Variants in TTLL9 observed in about 807,000 individuals in gnomAD.
TTLL9 encodes probable tubulin polyglutamylase TTLL9.
TTLL9 carries 47 observed loss-of-function variants against 65.6 expected under a neutral mutation model. That is an observed-to-expected ratio of 0.72 (90% CI 0.57 to 0.91). The LOEUF (loss-of-function observed/expected upper bound fraction) is 0.91, where lower values mean the gene tolerates loss of function less well. Among genes scored for constraint, TTLL9 ranks in the 40% least tolerant of loss-of-function variants. TTLL9 has a pLI of 0.00. For missense variants in TTLL9, 537 were observed against 568.8 expected, an observed-to-expected ratio of 0.94 and a Z score of 0.57; for synonymous variants, 179 against 204.8, an observed-to-expected ratio of 0.87 and a Z score of 1.07.
At position 31,870,755 on chromosome 20, in the gene TTLL9, G is replaced by C. The variant is rs910584309; in HGVS notation, c.-200G>C. The C allele has an allele frequency of 6.0e-4, 301 of 498,096 alleles. No individual in the cohort carries two copies. Among genetic ancestry groups the C allele is most frequent in the Non-Finnish European group, 8.5e-4 (256 of 302,604 alleles). The allele number at this position is 498,096 out of a possible 1,614,324, so 30.9% of individuals were successfully genotyped here. A position where few individuals can be genotyped will look rare whatever the true frequency, so the allele number is the denominator to read the frequency against. On this transcript the variant is annotated 5_prime_UTR_variant, in exon 1 of 15. It removes an upstream start codon present in the reference 5' UTR. Coordinates refer to ENST00000535842, the MANE Select transcript of TTLL9 (RefSeq NM_001008409.5). This position sits in a 1 kb window ranked among gnomAD's most constrained non-coding sequence, Gnocchi z 6.6. ...CTGGCACCGGCAGGCGCGGGCGGAT[G>C]GGGGGATGTCGCCTAGAGCCCCCCG...
At chr20:31,890,653 G>T (rs552811726) in intron 3 of TTLL9, among the ~76,000 whole-genome samples, 1 of 152,180 alleles carries the variant, frequency 6.6e-6, no homozygotes, top group East Asian at 1.9e-4. Flanking sequence ...GTGCATCATC[G>T]ACAGGTAATT....
intron 2 of TTLL9, among the ~76,000 whole-genome samples, chr20:31,878,394 C>T (rs1172824385): frequency 1.3e-5 from 2 of 152,218 alleles, no homozygotes; most frequent in South Asian, 2.1e-4. Flanking sequence ...GCAGCTAAAG[C>T]TGTTTGTGGA....
chr20:31,943,046 G>A lies in TTLL9; in HGVS notation c.*25G>A. On this transcript the variant is annotated 3_prime_UTR_variant, in exon 15 of 15. Coordinates refer to ENST00000535842, the MANE Select transcript of TTLL9 (RefSeq NM_001008409.5). Reference sequence around the variant, plus strand: ...ATCCCCAGCTGCCAGGAGGAAATCAGCCTTAGCAGGTGCCACCCAGGCCTC... The same window carrying A: ...ATCCCCAGCTGCCAGGAGGAAATCAACCTTAGCAGGTGCCACCCAGGCCTC... The A allele has an allele frequency of 8.1e-6, 13 of 1,611,598 alleles. No individual in the cohort carries two copies. Among genetic ancestry groups the A allele is most frequent in the African/African-American group, 1.3e-5 (1 of 75,008 alleles).
intron 6 of TTLL9, 98 bp from the exon 7 acceptor site, chr20:31,919,766 A>G: frequency 9.9e-7 from 1 of 1,009,818 alleles, no homozygotes; most frequent in Non-Finnish European, 1.4e-6. Context: ...TTCATAAGGA[A>G]AAAGAGACAG....
intron 6 of TTLL9, among the ~76,000 whole-genome samples, chr20:31,912,259 A>G (rs2063665410): frequency 6.6e-6 from 1 of 152,150 alleles, no homozygotes; most frequent in Admixed American, 6.5e-5. Flanking sequence ...CTCAAACGCT[A>G]CAGTGCCCGT....
At chr20:31,877,961 T>C (rs6058477) in intron 2 of TTLL9, among the ~76,000 whole-genome samples, 17,702 of 152,210 alleles carry the variant, frequency 0.12, 1,672 homozygotes, top group African/African-American at 0.26. Flanking sequence ...TATGAGAATA[T>C]AAACTCTATT....
intron 2 of TTLL9, among the ~76,000 whole-genome samples, chr20:31,881,636 C>G (rs1049787376): frequency 7.6e-6 from 1 of 130,818 alleles, no homozygotes; most frequent in Non-Finnish European, 1.6e-5. Context: ...GACAGTGTCT[C>G]ATTCTGTTGC....
intron 6 of TTLL9, among the ~76,000 whole-genome samples, chr20:31,916,133 G>C (rs1455089303): frequency 1.3e-5 from 2 of 152,162 alleles, no homozygotes; most frequent in Non-Finnish European, 2.9e-5. Context: ...TTCCAGGTGG[G>C]CCTCTCCCTG....
At chr20:31,872,274 C>T (rs890220329) in intron 2 of TTLL9, among the ~76,000 whole-genome samples, 2 of 152,160 alleles carry the variant, frequency 1.3e-5, no homozygotes, top group African/African-American at 2.4e-5. Context: ...GAAAGCCAGG[C>T]GCAGTGGCTC....
chr20:31,882,004 T>C (rs1339042338), intron 2 of TTLL9, among the ~76,000 whole-genome samples: 1 of 152,196 alleles, frequency 6.6e-6, no homozygotes, highest in East Asian at 1.9e-4. Flanking sequence ...CTCCTGTATA[T>C]TGACTTAGGA....
At chr20:31,928,540 A>T (rs1325491743) in intron 10 of TTLL9, among the ~76,000 whole-genome samples, 2 of 151,126 alleles carry the variant, frequency 1.3e-5, no homozygotes, top group African/African-American at 4.8e-5. Flanking sequence ...TCAAATATAT[A>T]TTTGCATATA....
intron 4 of TTLL9, among the ~76,000 whole-genome samples, chr20:31,906,569 C>T (rs913588939): frequency 1.3e-5 from 2 of 152,220 alleles, no homozygotes; most frequent in African/African-American, 4.8e-5. Context: ...CCTCAGACCT[C>T]CTCCAGATGT....
rs558439592 is a variant in TTLL9, at chr20:31,901,493, A to G, written c.206+2928A>G. ...TAAGAGCAACTTGATTGTGACAATC[A>G]TGAAAATGGTGTGCAAATGAATGAA... On this transcript the variant is annotated intron_variant, in intron 4 of 14. Transcript: ENST00000535842. 1.1e-3 allele frequency: 160 copies of G among 152,366 alleles called. 1 individual carries two copies. The highest frequency in any genetic ancestry group is 3.8e-3 in the African/African-American group (156 of 41,584). The allele number at this position is 152,366 out of a possible 1,614,324, so 9.4% of individuals were successfully genotyped here. A position where few individuals can be genotyped will look rare whatever the true frequency, so the allele number is the denominator to read the frequency against.
At chr20:31,876,446 C>G (rs2063039233) in intron 2 of TTLL9, among the ~76,000 whole-genome samples, 1 of 152,056 alleles carries the variant, frequency 6.6e-6, no homozygotes, top group South Asian at 2.1e-4. Flanking sequence ...AACTCCGTCT[C>G]AAAAAGAAAG....
At chr20:31,876,671 A>T (rs1464775058) in intron 2 of TTLL9, among the ~76,000 whole-genome samples, 1 of 152,186 alleles carries the variant, frequency 6.6e-6, no homozygotes, top group Non-Finnish European at 1.5e-5. Flanking sequence ...CCTATAAGAT[A>T]TCGTCTAGTA....
chr20:31,878,217 C>T (rs2063064039), intron 2 of TTLL9, among the ~76,000 whole-genome samples: 1 of 152,070 alleles, frequency 6.6e-6, no homozygotes, highest in Admixed American at 6.6e-5. Flanking sequence ...AAACAAAAAA[C>T]CCTTTTATTT....
intron 2 of TTLL9, among the ~76,000 whole-genome samples, chr20:31,873,721 A>AG (rs2062979605): frequency 1.4e-5 from 2 of 144,436 alleles, no homozygotes; most frequent in Non-Finnish European, 3.0e-5. Context: ...AAAGAAAGAA[A>AG]GAAAGAAAGA....
intron 4 of TTLL9, among the ~76,000 whole-genome samples, chr20:31,904,930 C>T (rs2063530026): frequency 6.6e-6 from 1 of 152,164 alleles, no homozygotes; most frequent in Non-Finnish European, 1.5e-5. Context: ...GACTCCTGGT[C>T]TAGTGCTCCT....
At chr20:31,919,076 T>C (rs964076323) in intron 6 of TTLL9, among the ~76,000 whole-genome samples, 6 of 152,270 alleles carry the variant, frequency 3.9e-5, no homozygotes, top group Admixed American at 3.3e-4. Context: ...ACTTGGGAGA[T>C]CTGCTCAGTG....
Sources: gnomAD v4.1 joint callset for allele counts (sites outside exome capture counted in the v4.1 genomes callset) on GRCh38, gnomAD v4.1.1 for gene constraint, Gnocchi (gnomAD v3.1) non-coding constraint, MANE v1.5 for transcripts, NCBI Gene and HGNC (gene_info 2026-07-23, HGNC 2026-07-21) for gene names.